Variants in EGFR observed in about 807,000 individuals in gnomAD.
The protein encoded by EGFR is epidermal growth factor receptor.
EGFR carries 58 observed loss-of-function variants against 143.0 expected under a neutral mutation model. That is an observed-to-expected ratio of 0.41 (90% CI 0.33 to 0.50). The LOEUF (loss-of-function observed/expected upper bound fraction) is 0.50, where lower values mean the gene tolerates loss of function less well. Among genes scored for constraint, EGFR ranks in the 20% least tolerant of loss-of-function variants. EGFR has a pLI of 0.39. For synonymous variants in EGFR, 613 were observed against 594.4 expected (o/e 1.03, Z -0.45); for missense variants, 1,307 against 1,579.0 (o/e 0.83, Z 2.92).
intron 15 of EGFR, chr7:55,168,640 T>C (rs1025248194): frequency 6.0e-6 from 9 of 1,496,448 alleles, no homozygotes; most frequent in Non-Finnish European, 8.2e-6. Context: ...ATTTGACATA[T>C]GGAATTTTAT....
chr7:55,033,671 G>A (rs771510481), intron 1 of EGFR, among the ~76,000 whole-genome samples: 8 of 152,154 alleles, frequency 5.3e-5, no homozygotes, highest in Non-Finnish European at 1.5e-5. Flanking sequence ...TGCCCCAGAC[G>A]TCCTTCCCGT....
At chr7:55,170,208 G>T in intron 15 of EGFR, 1 of 1,603,756 alleles carries the variant, frequency 6.2e-7, no homozygotes, top group Non-Finnish European at 8.5e-7. Flanking sequence ...CAGAGACCTG[G>T]AGAGCAGAGA....
chr7:55,128,400 C>T (rs1414222392), intron 1 of EGFR, among the ~76,000 whole-genome samples: 1 of 152,112 alleles, frequency 6.6e-6, no homozygotes, highest in Non-Finnish European at 1.5e-5. Context: ...AATATGAAAG[C>T]TATTTAAGAA....
chr7:55,155,820 T>A lies in EGFR; in HGVS notation c.890-10T>A. On this transcript the variant is annotated splice_polypyrimidine_tract_variant and intron_variant, in intron 7 of 27. Transcript: ENST00000275493. ...CCGTCATCACCTTCCTTTCATGCTC[T>A]CTTCCCCAGGTAATTATGTGGTGAC... The A allele has an allele frequency of 6.2e-7, 1 of 1,613,102 alleles. No homozygotes were observed. Among genetic ancestry groups the A allele is most frequent in the Non-Finnish European group, 8.5e-7 (1 of 1,179,058 alleles).
rs193256647 is a variant in EGFR, at chr7:55,150,540, C to A, written c.560-754C>A. ...CATGAACACCTCTAGTTTACTATGT[C>A]TTCACAGTAAAAGATATCTGCATGA... On this transcript the variant is annotated intron_variant, in intron 4 of 27. Transcript: ENST00000275493. Among the ~76,000 whole-genome samples the A allele has an allele frequency of 2.0e-4, 31 of 152,294 alleles. No individual in the cohort carries two copies. In the East Asian group the frequency reaches 5.6e-3, roughly 27 times the overall value.
chr7:55,049,280 C>G (rs1434516494), intron 1 of EGFR, among the ~76,000 whole-genome samples: 1 of 152,084 alleles, frequency 6.6e-6, no homozygotes, highest in Non-Finnish European at 1.5e-5. Flanking sequence ...GCAGGAGACA[C>G]AAAAAGAAGA....
intron 1 of EGFR, among the ~76,000 whole-genome samples, chr7:55,051,747 G>A (rs1788502837): frequency 6.6e-6 from 1 of 152,130 alleles, no homozygotes; most frequent in African/African-American, 2.4e-5. Flanking sequence ...ACATGATCTG[G>A]CCCTCAGCTA....
At position 55,041,777 on chromosome 7, in the gene EGFR, G is replaced by A. The variant is rs367686578; in HGVS notation, c.88+22412G>A. On this transcript the variant is annotated intron_variant, in intron 1 of 27. Transcript: ENST00000275493. Reference sequence around the variant, plus strand: ...TAGGCCTTATCTGAAACAGGTGAGCGTGACAAGTGTTTTCTTACTTATTTT... The same window carrying A: ...TAGGCCTTATCTGAAACAGGTGAGCATGACAAGTGTTTTCTTACTTATTTT... Among the ~76,000 whole-genome samples, 5 of 152,322 alleles carry A rather than the reference G, an allele frequency of 3.3e-5. No homozygotes were observed. The South Asian group carries it at 6.2e-4, about 19-fold the overall frequency.
At chr7:55,109,023 G>A (rs1483973231) in intron 1 of EGFR, among the ~76,000 whole-genome samples, 1 of 152,162 alleles carries the variant, frequency 6.6e-6, no homozygotes, top group Non-Finnish European at 1.5e-5. Context: ...CAGTGAGACT[G>A]CAATAGAGTG....
rs143192536 is a variant in EGFR, at chr7:55,198,230, T to C, written c.2702-487T>C. ...AGTTTCTTCCTGAGGTTTTTATTTT[T>C]ATCAAATGGAACTTAAGCTTTTTCA... On this transcript the variant is annotated intron_variant, in intron 22 of 27. Coordinates refer to ENST00000275493, the MANE Select transcript of EGFR (RefSeq NM_005228.5). Among the ~76,000 whole-genome samples the C allele has an allele frequency of 2.1e-4, 32 of 152,324 alleles. 3 individuals carry two copies. The highest frequency in any genetic ancestry group is 7.7e-4 in the African/African-American group (32 of 41,576).
intron 4 of EGFR, among the ~76,000 whole-genome samples, chr7:55,148,403 G>A (rs1165380262): frequency 6.6e-6 from 1 of 152,072 alleles, no homozygotes; most frequent in African/African-American, 2.4e-5. Context: ...GAAAGTGCTG[G>A]AAAGGGGAAT....
At chr7:55,193,837 T>C (rs996640354) in intron 22 of EGFR, among the ~76,000 whole-genome samples, 1 of 152,256 alleles carries the variant, frequency 6.6e-6, no homozygotes, top group Non-Finnish European at 1.5e-5. Context: ...TATAGCATTA[T>C]TAACTTTCTG....
intron 1 of EGFR, among the ~76,000 whole-genome samples, chr7:55,041,409 G>A (rs189053697): frequency 3.3e-5 from 5 of 151,080 alleles, no homozygotes; most frequent in East Asian, 3.9e-4. Context: ...ACACTCCATC[G>A]CAAAAAAAAA....
At chr7:55,114,242 T>A (rs1419049288) in intron 1 of EGFR, among the ~76,000 whole-genome samples, 2 of 152,236 alleles carry the variant, frequency 1.3e-5, no homozygotes, top group African/African-American at 4.8e-5. Context: ...TACCATTTAA[T>A]ATTTTAAAAG....
chr7:55,149,806 G>C (rs1584160601), intron 4 of EGFR, among the ~76,000 whole-genome samples: 1 of 152,160 alleles, frequency 6.6e-6, no homozygotes, highest in South Asian at 2.1e-4. Flanking sequence ...GAGATTGGTT[G>C]AAAAAATTAT....
At chr7:55,037,759 T>A (rs1787675576) in intron 1 of EGFR, among the ~76,000 whole-genome samples, 1 of 152,244 alleles carries the variant, frequency 6.6e-6, no homozygotes, top group African/African-American at 2.4e-5. Context: ...ACCTTCATTG[T>A]CAAAGCAATT....
intron 1 of EGFR, among the ~76,000 whole-genome samples, chr7:55,050,787 C>T (rs1034855733): frequency 6.6e-6 from 1 of 152,186 alleles, no homozygotes; most frequent in African/African-American, 2.4e-5. Flanking sequence ...TCATCTCTAC[C>T]AGATGAACTC....
chr7:55,102,304 TG>T (rs934175907), intron 1 of EGFR, among the ~76,000 whole-genome samples: 3 of 152,212 alleles, frequency 2.0e-5, no homozygotes. Context: ...CAGATGGCTT[TG>T]CTCCCTCCAG....
At chr7:55,108,329 C>A (rs1584056735) in intron 1 of EGFR, among the ~76,000 whole-genome samples, 1 of 152,202 alleles carries the variant, frequency 6.6e-6, no homozygotes, top group African/African-American at 2.4e-5. Context: ...CGTATCACTC[C>A]GCCAGAGCTG....
Sources: allele counts gnomAD v4.1 joint callset (sites outside exome capture counted in the v4.1 genomes callset), GRCh38; gene constraint gnomAD v4.1.1; transcripts MANE v1.5; gene names NCBI Gene and HGNC (gene_info 2026-07-23, HGNC 2026-07-21).